P2RX1: variants seen among roughly 807,000 people sequenced by gnomAD.
P2RX1 encodes the protein P2X purinoceptor 1.
P2RX1 carries 42 observed loss-of-function variants against 50.3 expected under a neutral mutation model. The observed-to-expected ratio is 0.83, with a 90% CI of 0.65 to 1.08. The LOEUF (loss-of-function observed/expected upper bound fraction) is 1.08. P2RX1 is among the 50% of genes least tolerant of loss of function. P2RX1 has a pLI of 0.00. For missense variants in P2RX1, 449 were observed against 529.0 expected (o/e 0.85, Z 1.48); for synonymous variants, 199 against 202.6 (o/e 0.98, Z 0.15).
chr17:3,906,635 G>A (rs970194353), intron 1 of P2RX1, among the ~76,000 whole-genome samples: 2 of 152,234 alleles, frequency 1.3e-5, no homozygotes, highest in Non-Finnish European at 2.9e-5. Flanking sequence ...CCTCGGTCGA[G>A]GCACTGTGGG....
At chr17:3,898,622 C>A in intron 9 of P2RX1, 73 bp from the exon 10 acceptor site, 1 of 1,160,878 alleles carries the variant, frequency 8.6e-7, no homozygotes, top group Admixed American at 1.8e-5. Context: ...GGACCTGGGA[C>A]AAGGGGACTT....
intron 7 of P2RX1, among the ~76,000 whole-genome samples, chr17:3,900,018 T>C (rs2056107359): frequency 6.6e-6 from 1 of 152,116 alleles, no homozygotes; most frequent in African/African-American, 2.4e-5. Flanking sequence ...GAGGAATCAC[T>C]TGAACCTGGG....
rs1467504161 is a variant in P2RX1 at position 3,903,616 on chromosome 17, T to C, written c.540A>G (p.Arg180=). 3 of 1,613,764 alleles carry C rather than the reference T, an allele frequency of 1.9e-6. 1 individual carries two copies. In the East Asian group the frequency reaches 6.7e-5, roughly 36 times the overall value. The change falls in exon 6 of 12, where the codon CGA becomes CGG. Residue 180 remains arginine (R), a synonymous_variant. Coordinates refer to ENST00000225538, the MANE Select transcript of P2RX1 (RefSeq NM_002558.4). The surrounding 1 kb of genome is among the most constrained non-coding windows in gnomAD (Gnocchi z 4.6). The part of the protein sequence containing the change: ...DDDIPRPALL[R]EAENFTLFIK... Reference sequence around the variant, plus strand: ...TGAAAAGAGTGAAGTTCTCGGCCTCTCGGAGAAGGGCAGGGCTGGAGGACA... The same window carrying C: ...TGAAAAGAGTGAAGTTCTCGGCCTCCCGGAGAAGGGCAGGGCTGGAGGACA...
At chr17:3,908,222 A>G (rs963387083) in intron 1 of P2RX1, among the ~76,000 whole-genome samples, 1 of 152,188 alleles carries the variant, frequency 6.6e-6, no homozygotes, top group African/African-American at 2.4e-5. Flanking sequence ...TCGAAGGGAA[A>G]GGTCGGTCAG....
At chr17:3,910,888 T>C (rs2056351188) in intron 1 of P2RX1, among the ~76,000 whole-genome samples, 1 of 152,230 alleles carries the variant, frequency 6.6e-6, no homozygotes, top group Non-Finnish European at 1.5e-5. Flanking sequence ...TGGCACATAA[T>C]AGGAACTCAA....
intron 1 of P2RX1, among the ~76,000 whole-genome samples, chr17:3,908,504 G>A (rs2056307320): frequency 6.6e-6 from 1 of 152,214 alleles, no homozygotes; most frequent in Non-Finnish European, 1.5e-5. Context: ...GGAGGTTGCA[G>A]TGAGCCAAGA....
chr17:3,907,290 C>CGTGTGTGTGTGTGTGTGTGT lies in P2RX1; in HGVS notation c.138-1943_138-1924dup, dbSNP rs147411964. On this transcript the variant is annotated intron_variant, in intron 1 of 11. Coordinates refer to ENST00000225538, the MANE Select transcript of P2RX1 (RefSeq NM_002558.4). ...GACTCTTTTTGGAGATTCAGGGTAACGTGTGTGTGTGTGTGTGTGTGTGTG... is the reference window on the plus strand; with the variant it reads ...GACTCTTTTTGGAGATTCAGGGTAACGTGTGTGTGTGTGTGTGTGTGTGTGTGTGTGTGTGTGTGTGTGTG... 6.7e-3 allele frequency among the ~76,000 whole-genome samples: 895 copies of CGTGTGTGTGTGTGTGTGTGT among 134,400 alleles called. 6 individuals are homozygous for CGTGTGTGTGTGTGTGTGTGT. Among genetic ancestry groups the CGTGTGTGTGTGTGTGTGTGT allele is most frequent in the Non-Finnish European group, 9.2e-3 (589 of 63,854 alleles). 88.2% of individuals were successfully genotyped at this position (134,400 alleles called of 152,430 possible).
At chr17:3,915,480 G>C (rs542660715) in intron 1 of P2RX1, 5 of 456,546 alleles carry the variant, frequency 1.1e-5, no homozygotes, top group Non-Finnish European at 8.8e-6. Flanking sequence ...CTCCCAGCCC[G>C]GTGGGACAGG....
rs370288280 is a variant in P2RX1 at position 3,899,589 on chromosome 17, G to T, written c.875+45C>A. On this transcript the variant is annotated intron_variant, in intron 8 of 11. Coordinates refer to ENST00000225538, the MANE Select transcript of P2RX1 (RefSeq NM_002558.4). ...AAGTGTTCTGGGAGTAGAAAAGCCC[G>T]CAGGACCACAAGGAAGAATGTGCTG... is the stretch of plus-strand genomic sequence containing the variant. 8.1e-6 allele frequency: 13 copies of T among 1,608,200 alleles called. No homozygotes were observed. The East Asian group carries it at 1.3e-4, about 17-fold the overall frequency.
Position 3,903,645 on chromosome 17 carries a change from C to G in P2RX1, c.525-14G>C. On this transcript the variant is annotated splice_polypyrimidine_tract_variant and intron_variant, in intron 5 of 11. Transcript: ENST00000225538. The surrounding 1 kb of genome is among the most constrained non-coding windows in gnomAD (Gnocchi z 4.6). ...AGAAGGGCAGGGCTGGAGGACACCACACGCACTCACCGCCCCTCCCCAGGA... is the reference window on the plus strand; with the variant it reads ...AGAAGGGCAGGGCTGGAGGACACCAGACGCACTCACCGCCCCTCCCCAGGA... 6.2e-7 allele frequency: 1 copy of G among 1,613,116 alleles called. No individual in the cohort carries two copies. Among genetic ancestry groups the G allele is most frequent in the Non-Finnish European group, 8.5e-7 (1 of 1,179,258 alleles).
intron 1 of P2RX1, 132 bp downstream of exon 1, chr17:3,915,957 G>A (rs760611338): frequency 3.7e-6 from 4 of 1,078,612 alleles, no homozygotes; most frequent in African/African-American, 1.6e-5. Context: ...CTCGCACAGT[G>A]GCTTGCCAGG....
intron 7 of P2RX1, among the ~76,000 whole-genome samples, chr17:3,901,170 C>T (rs890650182): frequency 1.3e-5 from 2 of 152,070 alleles, no homozygotes; most frequent in East Asian, 1.9e-4. Flanking sequence ...CAGGTTCAAG[C>T]GATTCTCCTG....
intron 1 of P2RX1, among the ~76,000 whole-genome samples, chr17:3,905,714 G>C (rs1308465775): frequency 6.6e-6 from 1 of 152,132 alleles, no homozygotes; most frequent in Non-Finnish European, 1.5e-5. Flanking sequence ...TGGCATGGTG[G>C]TGGGTGCCTG....
intron 1 of P2RX1, among the ~76,000 whole-genome samples, chr17:3,911,176 C>T (rs1205005748): frequency 6.7e-6 from 1 of 149,202 alleles, no homozygotes; most frequent in Non-Finnish European, 1.5e-5. Context: ...TTTTTAGATA[C>T]AGGGCCTCAC....
Position 3,897,503 on chromosome 17 carries a change from T to C in P2RX1, c.*311A>G, listed in dbSNP as rs1318344469. ...GAAATGGAGGCAGCGGGTTGGATAA[T>C]GAGAGTCCGGAGAGAGAAGCACGAA... On this transcript the variant is annotated 3_prime_UTR_variant, in exon 12 of 12. Coordinates refer to ENST00000225538, the MANE Select transcript of P2RX1 (RefSeq NM_002558.4). The C allele has an allele frequency of 2.0e-6, 1 of 503,292 alleles. No homozygotes were observed. The highest frequency in any genetic ancestry group is 3.6e-6 in the Non-Finnish European group (1 of 275,914). 31.2% of individuals were successfully genotyped at this position (503,292 alleles called of 1,614,324 possible). A position where few individuals can be genotyped will look rare whatever the true frequency, so the allele number is the denominator to read the frequency against.
intron 1 of P2RX1, chr17:3,915,378 A>T (rs1304436640): frequency 4.5e-6 from 2 of 444,222 alleles, no homozygotes; most frequent in Non-Finnish European, 9.0e-6. Flanking sequence ...CTCCATATGC[A>T]CACTCACAAG....
chr17:3,916,306 G>T lies in P2RX1; in HGVS notation c.-81C>A. 3 of 1,504,054 alleles carry T rather than the reference G, an allele frequency of 2.0e-6. No individual in the cohort carries two copies. Among genetic ancestry groups the T allele is most frequent in the Non-Finnish European group, 2.7e-6 (3 of 1,098,174 alleles). The allele number at this position is 1,504,054 out of a possible 1,614,324, so 93.2% of individuals were successfully genotyped here. A position where few individuals can be genotyped will look rare whatever the true frequency, so the allele number is the denominator to read the frequency against. On this transcript the variant is annotated 5_prime_UTR_variant, in exon 1 of 12. Coordinates refer to ENST00000225538, the MANE Select transcript of P2RX1 (RefSeq NM_002558.4). The stretch of plus-strand genomic sequence containing the variant: ...TGAGCCGGGTGCCACCACCCACGTC[G>T]ATGGTAGAGCTTCTGGGGGCTTCCT...
rs1216110935 is a variant in P2RX1, at chr17:3,905,366, A to C, written c.139T>G (p.Trp47Gly). 1 of 1,613,202 alleles carries C rather than the reference A, an allele frequency of 6.2e-7. No individual in the cohort carries two copies. The highest frequency in any genetic ancestry group is 8.5e-7 in the Non-Finnish European group (1 of 1,179,906). Residue 47 changes from tryptophan to glycine, a missense_variant and splice_region_variant, in exon 2 of 12, where the codon TGG (tryptophan) becomes GGG (glycine). Coordinates refer to ENST00000225538, the MANE Select transcript of P2RX1 (RefSeq NM_002558.4). ...QLVVLVYVIG[W>G]VFLYEKGYQT... ...TAGCCCTTCTCATAGAGAAACACCC[A>C]CCTGTGCGGGTGGGGACAGAGGGGG...
In P2RX1 at chr17:3,914,011, A is replaced by G. The variant is rs2056408210; in HGVS notation, c.137+2078T>C. Among the ~76,000 whole-genome samples, 1 of 152,206 alleles carries G rather than the reference A, an allele frequency of 6.6e-6. No individual in the cohort carries two copies. Among genetic ancestry groups the G allele is most frequent in the East Asian group, 1.9e-4 (1 of 5,184 alleles). ...GTCAGTGCAGTACTGAGCAGTGGCCAGACGAGGGCGCAAGAGACAGCAGGC... is the reference window on the plus strand; with the variant it reads ...GTCAGTGCAGTACTGAGCAGTGGCCGGACGAGGGCGCAAGAGACAGCAGGC... On this transcript the variant is annotated intron_variant, in intron 1 of 11. Transcript: ENST00000225538. The surrounding 1 kb of genome is among the most constrained non-coding windows in gnomAD (Gnocchi z 4.1).
Sources: gnomAD v4.1 joint callset for allele counts (sites outside exome capture counted in the v4.1 genomes callset) on GRCh38, gnomAD v4.1.1 for gene constraint, Gnocchi (gnomAD v3.1) non-coding constraint, MANE v1.5 for transcripts, NCBI Gene and HGNC (gene_info 2026-07-23, HGNC 2026-07-21) for gene names.